KIF26B: variants seen among roughly 807,000 people sequenced by gnomAD.
The protein encoded by KIF26B is kinesin family member 26B.
Under a neutral mutation model 151.2 loss-of-function variants are expected in KIF26B, and 63 were observed. The ratio of observed to expected loss-of-function variants is 0.42; its 90% CI spans 0.34 to 0.51. KIF26B has a LOEUF of 0.51. Among genes scored for constraint, KIF26B ranks in the 20% least tolerant of loss-of-function variants. The probability of loss-of-function intolerance (pLI) is 0.07; values close to 1 mark genes in which losing one functional copy is unlikely to be tolerated. For synonymous variants in KIF26B, 1,357 were observed against 1,262.1 expected, an observed-to-expected ratio of 1.08 and a Z score of -1.59; for missense variants, 2,813 against 2,913.6, an observed-to-expected ratio of 0.97 and a Z score of 0.79.
At position 245,374,139 on chromosome 1, in the gene KIF26B, G is replaced by A. The variant is rs12079080; in HGVS notation, c.999+6772G>A. 6.4e-3 allele frequency among the ~76,000 whole-genome samples: 487 copies of A among 76,334 alleles called. 7 individuals are homozygous for A. Among genetic ancestry groups the A allele is most frequent in the East Asian group, 7.7e-3 (20 of 2,582 alleles). The allele number at this position is 76,334 out of a possible 152,430, so 50.1% of individuals were successfully genotyped here. A position where few individuals can be genotyped will look rare whatever the true frequency, so the allele number is the denominator to read the frequency against. ...TATATATATATATATATATATATAT[G>A]GGCACAAAAGGATGTAAAAGCAACA... On this transcript the variant is annotated intron_variant, in intron 3 of 14. Coordinates refer to ENST00000407071, the MANE Select transcript of KIF26B (RefSeq NM_018012.4).
At chr1:245,647,448 A>G (rs1460832526) in intron 10 of KIF26B, among the ~76,000 whole-genome samples, 5 of 150,516 alleles carry the variant, frequency 3.3e-5, no homozygotes, top group Admixed American at 6.6e-5. Flanking sequence ...AAAAAAGAAA[A>G]AAAAGAAAAT....
intron 5 of KIF26B, among the ~76,000 whole-genome samples, chr1:245,578,400 C>T (rs950368761): frequency 1.3e-5 from 2 of 152,234 alleles, no homozygotes; most frequent in African/African-American, 2.4e-5. Flanking sequence ...GTTTCTTTGG[C>T]ACTTTTGCTT....
intron 6 of KIF26B, among the ~76,000 whole-genome samples, chr1:245,603,285 T>A (rs557598555): frequency 6.6e-6 from 1 of 152,260 alleles, no homozygotes; most frequent in Admixed American, 6.5e-5. Flanking sequence ...CTGACATGCA[T>A]CCTGTGGCCT....
At chr1:245,658,640 C>G (rs1264977494) in intron 10 of KIF26B, among the ~76,000 whole-genome samples, 1 of 152,166 alleles carries the variant, frequency 6.6e-6, no homozygotes, top group Non-Finnish European at 1.5e-5. Context: ...AATCCTCCTG[C>G]CTTGGCCTCC....
At chr1:245,492,700 A>G (rs1029599866) in intron 4 of KIF26B, among the ~76,000 whole-genome samples, 4 of 152,224 alleles carry the variant, frequency 2.6e-5, no homozygotes, top group Non-Finnish European at 4.4e-5. Context: ...AGCCTCCCAT[A>G]GTTCAAAGTA....
intron 9 of KIF26B, among the ~76,000 whole-genome samples, chr1:245,622,101 G>A (rs2043670498): frequency 2.5e-5 from 2 of 80,776 alleles, no homozygotes; most frequent in Non-Finnish European, 3.3e-5. Context: ...TAATTAGGCT[G>A]CAAAACAGAT....
At chr1:245,546,220 G>GT (rs1295064451) in intron 5 of KIF26B, among the ~76,000 whole-genome samples, 5 of 151,196 alleles carry the variant, frequency 3.3e-5, no homozygotes, top group Non-Finnish European at 7.4e-5. Flanking sequence ...TGTTTTTTTT[G>GT]TTTTTTGTTT....
At chr1:245,410,693 G>A (rs1674256956) in intron 3 of KIF26B, among the ~76,000 whole-genome samples, 1 of 152,144 alleles carries the variant, frequency 6.6e-6, no homozygotes, top group African/African-American at 2.4e-5. Flanking sequence ...CAAGCAATCT[G>A]TCTGCCTCGG....
Position 245,167,009 on chromosome 1 carries a change from T to C in KIF26B, c.465+10326T>C. The stretch of plus-strand genomic sequence containing the variant: ...CAGAACGATAAATATGTCTTAAGTG[T>C]TATAGACCAGGTTACAGCTGAGGGA... On this transcript the variant is annotated intron_variant, in intron 2 of 14. Coordinates refer to ENST00000407071, the MANE Select transcript of KIF26B (RefSeq NM_018012.4). This position sits in a 1 kb window ranked among gnomAD's most constrained non-coding sequence, Gnocchi z 4.2. 6.6e-6 allele frequency among the ~76,000 whole-genome samples: 1 copy of C among 152,240 alleles called. No homozygotes were observed. The highest frequency in any genetic ancestry group is 6.5e-5 in the Admixed American group (1 of 15,284).
chr1:245,168,842 G>GGT (rs1433610579), intron 2 of KIF26B, among the ~76,000 whole-genome samples: 1 of 152,158 alleles, frequency 6.6e-6, no homozygotes. Flanking sequence ...GGAACAGGTA[G>GGT]CTGCCCGCTG....
intron 4 of KIF26B, among the ~76,000 whole-genome samples, chr1:245,460,696 C>T (rs1659627268): frequency 6.6e-6 from 1 of 152,214 alleles, no homozygotes; most frequent in African/African-American, 2.4e-5. Context: ...TGCCAACCTG[C>T]CTTTTCTTCC....
At chr1:245,309,754 C>T (rs1334662388) in intron 2 of KIF26B, among the ~76,000 whole-genome samples, 3 of 147,302 alleles carry the variant, frequency 2.0e-5, no homozygotes, top group Non-Finnish European at 4.5e-5. Context: ...TCCTGTTTCT[C>T]CAGAGAACTC....
intron 2 of KIF26B, among the ~76,000 whole-genome samples, chr1:245,277,539 G>T (rs551572313): frequency 6.6e-6 from 1 of 152,212 alleles, no homozygotes; most frequent in East Asian, 2.0e-4. Flanking sequence ...AGCCTGTGTG[G>T]CTCCAGACCC....
At chr1:245,189,959 G>T (rs1008669247) in intron 2 of KIF26B, among the ~76,000 whole-genome samples, 2 of 152,302 alleles carry the variant, frequency 1.3e-5, no homozygotes, top group Middle Eastern at 3.4e-3. Flanking sequence ...ATCAGATCTC[G>T]TGAGACTTAC....
chr1:245,257,662 T>G lies in KIF26B; in HGVS notation c.465+100979T>G, dbSNP rs547064170. On this transcript the variant is annotated intron_variant, in intron 2 of 14. Coordinates refer to ENST00000407071, the MANE Select transcript of KIF26B (RefSeq NM_018012.4). Reference sequence around the variant, plus strand: ...ATAGCTTCCCACCAAAGCCCTCCCGTGTCTAGAAGCATCACAGTGGCCCTT... The same window carrying G: ...ATAGCTTCCCACCAAAGCCCTCCCGGGTCTAGAAGCATCACAGTGGCCCTT... Among the ~76,000 whole-genome samples, 29 of 152,260 alleles carry G rather than the reference T, an allele frequency of 1.9e-4. No homozygotes were observed. In the South Asian group the frequency reaches 2.5e-3, roughly 13 times the overall value.
chr1:245,302,815 CCTGT>C (rs1671450102), intron 2 of KIF26B, among the ~76,000 whole-genome samples: 1 of 151,656 alleles, frequency 6.6e-6, no homozygotes, highest in African/African-American at 2.4e-5. Context: ...ATGGTGAAAC[CCTGT>C]CTCTACTAAA....
chr1:245,569,473 C>T (rs1388248658), intron 5 of KIF26B, among the ~76,000 whole-genome samples: 3 of 151,934 alleles, frequency 2.0e-5, no homozygotes, highest in African/African-American at 4.8e-5. Flanking sequence ...AGCCGGGCAT[C>T]GTGGCAGGCA....
intron 2 of KIF26B, 26 bp from the exon 3 acceptor site, chr1:245,366,806 CCT>C: frequency 6.2e-7 from 1 of 1,606,138 alleles, no homozygotes; most frequent in Non-Finnish European, 8.5e-7. Context: ...TATAGAATCT[CCT>C]CTCCCTCTGC....
intron 2 of KIF26B, among the ~76,000 whole-genome samples, chr1:245,261,351 G>A (rs1301372724): frequency 1.3e-5 from 2 of 151,876 alleles, no homozygotes; most frequent in Non-Finnish European, 2.9e-5. Flanking sequence ...GGCTGGTCTC[G>A]AACTCCCGAC....
Sources: gnomAD v4.1 joint callset for allele counts (sites outside exome capture counted in the v4.1 genomes callset) on GRCh38, gnomAD v4.1.1 for gene constraint, Gnocchi (gnomAD v3.1) non-coding constraint, MANE v1.5 for transcripts, NCBI Gene and HGNC (gene_info 2026-07-23, HGNC 2026-07-21) for gene names.